CDH18: variants seen among roughly 807,000 people sequenced by gnomAD.
CDH18 encodes cadherin 18, also known as cadherin-18.
A neutral mutation model predicts 67.9 loss-of-function variants in CDH18; 31 were observed. The ratio of observed to expected loss-of-function variants is 0.46; its 90% CI spans 0.34 to 0.62. The LOEUF is 0.62. Among genes scored for constraint, CDH18 ranks in the 20% least tolerant of loss-of-function variants. The pLI is 0.01. For synonymous variants in CDH18, 362 were observed against 347.2 expected (o/e 1.04, Z -0.48); for missense variants, 890 against 975.5 (o/e 0.91, Z 1.17).
intron 3 of CDH18, among the ~76,000 whole-genome samples, chr5:19,800,743 A>C (rs1777374224): frequency 6.6e-6 from 1 of 152,184 alleles, no homozygotes; most frequent in Non-Finnish European, 1.5e-5. Flanking sequence ...ATACTAAACT[A>C]TTATAGGTTG....
chr5:20,370,604 A>T (rs1742900765), intron 1 of CDH18, among the ~76,000 whole-genome samples: 2 of 152,206 alleles, frequency 1.3e-5, no homozygotes, highest in Admixed American at 1.3e-4. Context: ...GACACAGGTG[A>T]AATTTATGTG....
At chr5:20,162,575 T>A (rs988921467) in intron 2 of CDH18, among the ~76,000 whole-genome samples, 1 of 150,132 alleles carries the variant, frequency 6.7e-6, no homozygotes, top group South Asian at 2.1e-4. Context: ...TTTGGCAGAC[T>A]TGTTTAAGGC....
intron 2 of CDH18, among the ~76,000 whole-genome samples, chr5:20,004,806 A>C (rs1736755111): frequency 6.6e-6 from 1 of 152,232 alleles, no homozygotes; most frequent in East Asian, 1.9e-4. Context: ...CATCACATGA[A>C]TATAAAGAGG....
intron 1 of CDH18, among the ~76,000 whole-genome samples, chr5:20,464,547 A>C (rs1384117802): frequency 6.6e-6 from 1 of 152,160 alleles, no homozygotes; most frequent in Non-Finnish European, 1.5e-5. Flanking sequence ...AGAATATTGA[A>C]ACAAATGAAA....
intron 3 of CDH18, among the ~76,000 whole-genome samples, chr5:19,768,575 A>T (rs1773367327): frequency 6.6e-6 from 1 of 152,292 alleles, no homozygotes; most frequent in Non-Finnish European, 1.5e-5. Context: ...ACGCTGCCCC[A>T]TAGTAAATGT....
chr5:19,510,104 A>G (rs1460072225), intron 10 of CDH18, among the ~76,000 whole-genome samples: 1 of 152,220 alleles, frequency 6.6e-6, no homozygotes, highest in Non-Finnish European at 1.5e-5. Context: ...TGTCATTGAA[A>G]GAGGAACAGT....
chr5:20,018,253 C>A (rs759346237), intron 2 of CDH18, among the ~76,000 whole-genome samples: 1 of 152,102 alleles, frequency 6.6e-6, no homozygotes, highest in Non-Finnish European at 1.5e-5. Context: ...ATATTTACAC[C>A]CTTTTTCTAT....
At chr5:19,630,624 T>G (rs1013663663) in intron 5 of CDH18, among the ~76,000 whole-genome samples, 1 of 152,156 alleles carries the variant, frequency 6.6e-6, no homozygotes, top group Non-Finnish European at 1.5e-5. Flanking sequence ...CATTCAATAT[T>G]TTTCTATCTT....
At chr5:20,503,197 A>T (rs1754445188) in intron 1 of CDH18, among the ~76,000 whole-genome samples, 1 of 151,898 alleles carries the variant, frequency 6.6e-6, no homozygotes, top group Admixed American at 6.6e-5. Flanking sequence ...TTTAAAAAAA[A>T]AACTGTAGGA....
chr5:19,878,509 AT>A (rs1441164842), intron 2 of CDH18, among the ~76,000 whole-genome samples: 2 of 152,074 alleles, frequency 1.3e-5, no homozygotes, highest in Non-Finnish European at 2.9e-5. Context: ...TTCCTGAGTT[AT>A]TTCTGTGGCT....
chr5:20,557,240 T>C (rs1757954556), intron 1 of CDH18, among the ~76,000 whole-genome samples: 2 of 152,044 alleles, frequency 1.3e-5, no homozygotes, highest in African/African-American at 4.8e-5. Flanking sequence ...AGTTCAGGAG[T>C]GAAGACATAC....
chr5:19,881,036 C>T (rs1470630959), intron 2 of CDH18, among the ~76,000 whole-genome samples: 1 of 152,122 alleles, frequency 6.6e-6, no homozygotes, highest in Non-Finnish European at 1.5e-5. Context: ...TTATTTCCTG[C>T]TCTCCAGGGA....
intron 1 of CDH18, among the ~76,000 whole-genome samples, chr5:20,513,430 T>C (rs1755167696): frequency 6.6e-6 from 1 of 152,180 alleles, no homozygotes; most frequent in African/African-American, 2.4e-5. Context: ...TGTTAACTCA[T>C]CTATATTTCC....
At chr5:20,435,293 C>T (rs932659341) in intron 1 of CDH18, among the ~76,000 whole-genome samples, 5 of 152,120 alleles carry the variant, frequency 3.3e-5, no homozygotes, top group Non-Finnish European at 7.4e-5. Flanking sequence ...CAGATCTTGT[C>T]CTCCTTTGTA....
intron 2 of CDH18, among the ~76,000 whole-genome samples, chr5:20,068,367 A>G (rs1743165678): frequency 6.6e-6 from 1 of 152,272 alleles, no homozygotes; most frequent in African/African-American, 2.4e-5. Flanking sequence ...TTTTGGGTTC[A>G]AAATATGTGC....
intron 2 of CDH18, among the ~76,000 whole-genome samples, chr5:20,119,617 A>ACTAT (rs10639071): frequency 0.83 from 126,172 of 151,726 alleles, 54,407 homozygotes; most frequent in Non-Finnish European, 0.94. Context: ...TTTAATAAAA[A>ACTAT]CTATATCCCT....
chr5:20,515,038 A>T (rs1581136595), intron 1 of CDH18, among the ~76,000 whole-genome samples: 1 of 150,636 alleles, frequency 6.6e-6, no homozygotes, highest in African/African-American at 2.5e-5. Context: ...GAATATATGA[A>T]CATCAATAAG....
chr5:19,862,543 G>T (rs548520617), intron 2 of CDH18, among the ~76,000 whole-genome samples: 1 of 152,260 alleles, frequency 6.6e-6, no homozygotes, highest in African/African-American at 2.4e-5. Flanking sequence ...GGTCATTTAT[G>T]AAATAGGAGG....
chr5:20,412,480 G>T (rs1200097771), intron 1 of CDH18, among the ~76,000 whole-genome samples: 1 of 152,162 alleles, frequency 6.6e-6, no homozygotes, highest in African/African-American at 2.4e-5. Context: ...AAAGGCAAAT[G>T]CAACAACAAA....
Sources: gnomAD v4.1 joint callset for allele counts (sites outside exome capture counted in the v4.1 genomes callset) on GRCh38, gnomAD v4.1.1 for gene constraint, MANE v1.5 for transcripts, NCBI Gene and HGNC (gene_info 2026-07-23, HGNC 2026-07-21) for gene names.